LUZP1: variants seen among roughly 807,000 people sequenced by gnomAD.
LUZP1 encodes leucine zipper protein 1, also known as filamin mechanobinding actin cross-linking protein.
Under a neutral mutation model 71.3 loss-of-function variants are expected in LUZP1, and 25 were observed. That is an observed-to-expected ratio of 0.35 (90% confidence interval 0.26 to 0.49). LUZP1 has a LOEUF of 0.49. Ranked by LOEUF, LUZP1 falls within the 20% of genes least tolerant of loss-of-function variation. The probability of loss-of-function intolerance (pLI) is 0.99; values close to 1 mark genes in which losing one functional copy is unlikely to be tolerated. For synonymous variants in LUZP1, 481 were observed against 506.4 expected (o/e 0.95, Z 0.67); for missense variants, 1,142 against 1,300.8 (o/e 0.88, Z 1.88).
At chr1:23,101,333 T>C (rs754906134) in intron 3 of LUZP1, among the ~76,000 whole-genome samples, 1 of 152,166 alleles carries the variant, frequency 6.6e-6, no homozygotes, top group Non-Finnish European at 1.5e-5. Context: ...CTACTATTAT[T>C]CTATTCAGCT....
intron 2 of LUZP1, among the ~76,000 whole-genome samples, chr1:23,163,296 C>T (rs2148209668): frequency 6.7e-6 from 1 of 149,916 alleles, no homozygotes; most frequent in Middle Eastern, 3.5e-3. Flanking sequence ...CTTGTAATCC[C>T]AACACTCTGG....
chr1:23,168,067 C>T (rs1382204091), intron 2 of LUZP1, among the ~76,000 whole-genome samples: 1 of 150,462 alleles, frequency 6.6e-6, no homozygotes, highest in Non-Finnish European at 1.5e-5. Flanking sequence ...AATTCCTTCC[C>T]GGCCCAGCGG....
At chr1:23,142,241 G>T (rs1269188680) in intron 2 of LUZP1, among the ~76,000 whole-genome samples, 1 of 152,066 alleles carries the variant, frequency 6.6e-6, no homozygotes, top group East Asian at 1.9e-4. Context: ...TAATCCTCCT[G>T]CCTTAGACTC....
intron 3 of LUZP1, among the ~76,000 whole-genome samples, chr1:23,106,040 C>CT (rs1281765511): frequency 2.6e-5 from 4 of 152,012 alleles, no homozygotes; most frequent in Admixed American, 6.6e-5. Flanking sequence ...GGATAATGTG[C>CT]TTTTTTTCTG....
intron 2 of LUZP1, among the ~76,000 whole-genome samples, chr1:23,112,470 A>C (rs1336956904): frequency 6.6e-6 from 1 of 152,232 alleles, no homozygotes. Context: ...CAGAGAGGAA[A>C]GGAGACTTGC....
chr1:23,113,751 G>A (rs999114121), intron 2 of LUZP1, among the ~76,000 whole-genome samples: 8 of 151,140 alleles, frequency 5.3e-5, no homozygotes, highest in East Asian at 4.0e-4. Context: ...GTTGTGGCGC[G>A]CGCCTGTAGT....
chr1:23,094,514 G>T lies in LUZP1; in HGVS notation c.-119-134C>A. The T allele has an allele frequency of 2.2e-6, 1 of 445,862 alleles. No homozygotes were observed. Among genetic ancestry groups the T allele is most frequent in the Non-Finnish European group, 3.6e-6 (1 of 278,400 alleles). 27.6% of individuals were successfully genotyped at this position (445,862 alleles called of 1,614,324 possible). On this transcript the variant is annotated intron_variant, in intron 3 of 4. Coordinates refer to ENST00000302291, the Ensembl canonical transcript of LUZP1. This position sits in a 1 kb window ranked among gnomAD's most constrained non-coding sequence, Gnocchi z 4.7. ...AGGGGCTCAAACCTGTTGAATGAAT[G>T]ACTTGAATAAACCTGCAAGAAAACA...
At chr1:23,154,369 C>T (rs1381555949) in intron 2 of LUZP1, among the ~76,000 whole-genome samples, 1 of 149,704 alleles carries the variant, frequency 6.7e-6, no homozygotes, top group East Asian at 2.0e-4. Flanking sequence ...CCCATCTCTA[C>T]AAAAAAAAAA....
At chr1:23,131,219 CAAAAAAAAAAAAAAA>C (rs71020480) in intron 2 of LUZP1, among the ~76,000 whole-genome samples, 14 of 45,030 alleles carry the variant, frequency 3.1e-4, no homozygotes, top group African/African-American at 1.2e-3. Flanking sequence ...GACTCCATCT[CAAAAAAAAAAAAAAA>C]AAAAAAAAAA....
At chr1:23,139,828 T>C (rs1032922374) in intron 2 of LUZP1, among the ~76,000 whole-genome samples, 2 of 151,992 alleles carry the variant, frequency 1.3e-5, no homozygotes, top group African/African-American at 4.8e-5. Flanking sequence ...CACGTACCTA[T>C]AGACCCAACT....
intron 3 of LUZP1, among the ~76,000 whole-genome samples, chr1:23,100,164 T>C (rs984854564): frequency 1.3e-5 from 2 of 152,196 alleles, no homozygotes; most frequent in African/African-American, 4.8e-5. Flanking sequence ...CACTATATTC[T>C]CAGTACCCAG....
chr1:23,148,742 T>C (rs1385813150), intron 2 of LUZP1, among the ~76,000 whole-genome samples: 1 of 152,090 alleles, frequency 6.6e-6, no homozygotes, highest in Non-Finnish European at 1.5e-5. Flanking sequence ...GATATAAAAT[T>C]TCCCAAAAAT....
exon 5 of LUZP1, chr1:23,088,241 T>TC (rs763724800): frequency 6.4e-4 from 98 of 152,886 alleles, no homozygotes; most frequent in Non-Finnish European, 1.2e-3. Flanking sequence ...CCAATGGGTA[T>TC]CCGCATGAGT....
intron 2 of LUZP1, among the ~76,000 whole-genome samples, chr1:23,153,984 C>T (rs954922832): frequency 2.0e-5 from 3 of 152,162 alleles, no homozygotes; most frequent in African/African-American, 7.2e-5. Flanking sequence ...CAATAGAATA[C>T]TACTCAGCAA....
chr1:23,106,538 G>A lies in LUZP1; in HGVS notation c.-120+2484C>T, dbSNP rs552485481. Among the ~76,000 whole-genome samples, 8 of 152,124 alleles carry A rather than the reference G, an allele frequency of 5.3e-5. No individual in the cohort carries two copies. In the East Asian group the frequency reaches 1.4e-3, roughly 26 times the overall value. ...GAGGATCAACTGAGCCTGGGAGGTC[G>A]AAGCTACAATGAGCTGAGATCACAC... On this transcript the variant is annotated intron_variant, in intron 3 of 4. Transcript: ENST00000302291.
chr1:23,090,511 CCT>C, intron 4 of LUZP1: 1 of 222,476 alleles, frequency 4.5e-6, no homozygotes, highest in Non-Finnish European at 8.9e-6. Context: ...GTTCTGACAC[CCT>C]GAGCCTCACA....
intron 2 of LUZP1, among the ~76,000 whole-genome samples, chr1:23,127,765 C>G (rs1209707825): frequency 6.6e-6 from 1 of 152,126 alleles, no homozygotes; most frequent in Admixed American, 6.5e-5. Context: ...CCTCGTAATC[C>G]GCCCACCTCG....
At chr1:23,103,824 GAGGA>G (rs1643952029) in intron 3 of LUZP1, among the ~76,000 whole-genome samples, 2 of 114,810 alleles carry the variant, frequency 1.7e-5, no homozygotes, top group Non-Finnish European at 3.7e-5. Flanking sequence ...AGGAGGGAGG[GAGGA>G]AGAGAGGGAG....
At chr1:23,131,219 CAAAAAAAAAAAA>C (rs71020480) in intron 2 of LUZP1, among the ~76,000 whole-genome samples, 57 of 45,038 alleles carry the variant, frequency 1.3e-3, no homozygotes, top group African/African-American at 4.9e-3. Flanking sequence ...GACTCCATCT[CAAAAAAAAAAAA>C]AAAAAAAAAA....
Sources: gnomAD v4.1 joint callset for allele counts (sites outside exome capture counted in the v4.1 genomes callset) on GRCh38, gnomAD v4.1.1 for gene constraint, Gnocchi (gnomAD v3.1) non-coding constraint, MANE v1.5 for transcripts, NCBI Gene and HGNC (gene_info 2026-07-23, HGNC 2026-07-21) for gene names.